Variants in RUVBL2 observed in about 807,000 individuals in gnomAD.
RUVBL2 encodes the protein RuvB like AAA ATPase 2, also known as ruvB-like 2.
Under a neutral mutation model 57.9 loss-of-function variants are expected in RUVBL2, and 9 were observed. The ratio of observed to expected loss-of-function variants is 0.16; its 90% CI spans 0.09 to 0.27. The LOEUF (loss-of-function observed/expected upper bound fraction) is 0.27. Ranked by LOEUF, RUVBL2 falls within the 10% of genes least tolerant of loss-of-function variation. RUVBL2 has a pLI of 1.00. For missense variants in RUVBL2, 456 were observed against 669.6 expected, an observed-to-expected ratio of 0.68 and a Z score of 3.52; for synonymous variants, 278 against 264.6, an observed-to-expected ratio of 1.05 and a Z score of -0.49.
intron 6 of RUVBL2, among the ~76,000 whole-genome samples, chr19:49,008,757 C>T (rs928010542): frequency 2.0e-5 from 3 of 151,840 alleles, no homozygotes; most frequent in African/African-American, 7.2e-5. Flanking sequence ...GCGGGTGGAT[C>T]ACCTGAAGTC....
intron 11 of RUVBL2, among the ~76,000 whole-genome samples, chr19:49,013,452 G>A (rs1307454410): frequency 2.0e-5 from 3 of 152,020 alleles, no homozygotes; most frequent in Non-Finnish European, 2.9e-5. Context: ...CCTGTGCACA[G>A]TGTTGAAGTG....
At chr19:49,009,019 G>T (rs969979559) in intron 6 of RUVBL2, among the ~76,000 whole-genome samples, 1 of 151,288 alleles carries the variant, frequency 6.6e-6, no homozygotes, top group African/African-American at 2.4e-5. Flanking sequence ...CAATTAGCTG[G>T]GTATGGTGGC....
chr19:49,014,401 G>A (rs1033413673), intron 11 of RUVBL2, 83 bp from the exon 12 acceptor site: 10 of 1,521,364 alleles, frequency 6.6e-6, no homozygotes, highest in Admixed American at 5.7e-5. Flanking sequence ...AGTGGGTGGC[G>A]ATGGGAGGTG....
intron 6 of RUVBL2, among the ~76,000 whole-genome samples, chr19:49,008,812 T>A (rs2039338184): frequency 1.3e-5 from 2 of 151,666 alleles, no homozygotes; most frequent in South Asian, 4.2e-4. Flanking sequence ...ACCCTGTCTC[T>A]ACTAAAAATA....
intron 11 of RUVBL2, among the ~76,000 whole-genome samples, chr19:49,012,112 G>C (rs1472286839): frequency 6.6e-6 from 1 of 152,174 alleles, no homozygotes; most frequent in Non-Finnish European, 1.5e-5. Context: ...GCCCGGCACT[G>C]CTTGGGCTCA....
chr19:49,008,158 C>T (rs976926843), intron 6 of RUVBL2, among the ~76,000 whole-genome samples: 70 of 150,980 alleles, frequency 4.6e-4, no homozygotes, highest in African/African-American at 1.5e-3. Flanking sequence ...TGCGAGACCT[C>T]GGGCCTATGT....
At chr19:49,009,621 G>T (rs1416439682) in intron 6 of RUVBL2, among the ~76,000 whole-genome samples, 155 bp from the exon 7 acceptor site, 1 of 152,202 alleles carries the variant, frequency 6.6e-6, no homozygotes, top group Non-Finnish European at 1.5e-5. Context: ...TGAGCGCACC[G>T]TATGTCTTCC....
At chr19:48,994,162 C>T (rs2039005720) in intron 1 of RUVBL2, 1 of 592,984 alleles carries the variant, frequency 1.7e-6, no homozygotes. Flanking sequence ...GGGTCTGGCC[C>T]CATCATGCTA....
At position 49,010,483 on chromosome 19, in the gene RUVBL2, C is replaced by CCCCCACCAACAA; in HGVS notation, c.664-5_664-4insCCCCACCAACAA. 6.3e-7 allele frequency: 1 copy of CCCCCACCAACAA among 1,575,992 alleles called. No homozygotes were observed. Among genetic ancestry groups the CCCCCACCAACAA allele is most frequent in the Non-Finnish European group, 8.7e-7 (1 of 1,148,120 alleles). On this transcript the variant is annotated splice_polypyrimidine_tract_variant and splice_region_variant and intron_variant, in intron 8 of 14. Coordinates refer to ENST00000595090, the MANE Select transcript of RUVBL2 (RefSeq NM_006666.3). ...CGCCGTTCTTCCCCCACCCCCGCCCCATAGACCAAGTTCGTGCAGTGCCCA... is the reference window on the plus strand; with the variant it reads ...CGCCGTTCTTCCCCCACCCCCGCCCCCCCCACCAACAAATAGACCAAGTTCGTGCAGTGCCCA...
rs538649431 is a variant in RUVBL2, at chr19:49,011,889, A to ACTGTG, written c.1001+588_1001+592dup. 1.7e-5 allele frequency among the ~76,000 whole-genome samples: 2 copies of ACTGTG among 120,304 alleles called. No individual in the cohort carries two copies. Among genetic ancestry groups the ACTGTG allele is most frequent in the Non-Finnish European group, 4.0e-5 (2 of 50,260 alleles). 78.9% of individuals were successfully genotyped at this position (120,304 alleles called of 152,430 possible). ...GACAGATTCCTGTGACACAGAGGGT[A>ACTGTG]CTGTGCTGTGCTGAAGCCTGGGAAC... On this transcript the variant is annotated intron_variant, in intron 11 of 14. Transcript: ENST00000595090. The surrounding 1 kb of genome is among the most constrained non-coding windows in gnomAD (Gnocchi z 4.4).
At chr19:49,010,903 C>G (rs2122641363) in intron 9 of RUVBL2, 96 bp from the exon 10 acceptor site, 1 of 1,132,966 alleles carries the variant, frequency 8.8e-7, no homozygotes, top group East Asian at 2.5e-5. Context: ...TCCCCTTCCT[C>G]CATCCCTGGC....
Position 49,003,245 on chromosome 19 carries a change from A to G in RUVBL2, c.68-34A>G, listed in dbSNP as rs764699286. ...AGGCCACATGTGCAGCAAGCTGGCT[A>G]GTAACTGAGTCTTTGTTCTTTCCCT... On this transcript the variant is annotated intron_variant, in intron 2 of 14. Transcript: ENST00000595090. 3 of 1,608,074 alleles carry G rather than the reference A, an allele frequency of 1.9e-6. No individual in the cohort carries two copies. The East Asian group carries it at 6.7e-5, about 36-fold the overall frequency.
intron 11 of RUVBL2, among the ~76,000 whole-genome samples, chr19:49,012,843 C>CCA (rs58302006): frequency 0.14 from 19,727 of 141,644 alleles, 1,307 homozygotes; most frequent in Middle Eastern, 0.16. Context: ...TCAGTGCCCA[C>CCA]CACACACACA....
intron 4 of RUVBL2, among the ~76,000 whole-genome samples, chr19:49,005,072 C>G (rs2039257439): frequency 6.6e-6 from 1 of 152,092 alleles, no homozygotes; most frequent in South Asian, 2.1e-4. Flanking sequence ...TTGCAGTCCG[C>G]TAGTGGTTTA....
At chr19:48,993,710 AC>A, upstream of RUVBL2, 1 of 657,426 alleles carries the variant, frequency 1.5e-6, no homozygotes, top group East Asian at 2.7e-5. Context: ...TTGGGAATGG[AC>A]CCAGGAGTTC....
intron 2 of RUVBL2, 95 bp from the exon 3 acceptor site, chr19:49,003,184 C>CCT: frequency 1.6e-5 from 16 of 1,030,244 alleles, no homozygotes; most frequent in Middle Eastern, 2.2e-4. Context: ...CCACCCACCC[C>CCT]TTTGACAAAG....
At chr19:48,999,942 C>T (rs1481619405) in intron 2 of RUVBL2, among the ~76,000 whole-genome samples, 2 of 152,202 alleles carry the variant, frequency 1.3e-5, no homozygotes, top group East Asian at 1.9e-4. Context: ...CAGCAGGGTG[C>T]GCTCTCACAA....
upstream of RUVBL2, chr19:48,993,748 C>A: frequency 5.8e-6 from 5 of 857,164 alleles, no homozygotes; most frequent in South Asian, 7.7e-5. Flanking sequence ...AGCGCAGCCT[C>A]GGTGGGAGGG....
chr19:48,996,252 A>T (rs79809419), intron 1 of RUVBL2, among the ~76,000 whole-genome samples: 8,438 of 152,152 alleles, frequency 0.055, 349 homozygotes, highest in Admixed American at 0.095. Context: ...ATTAGAAATT[A>T]TGAACTATTC....
Sources: gnomAD v4.1 joint callset for allele counts (sites outside exome capture counted in the v4.1 genomes callset) on GRCh38, gnomAD v4.1.1 for gene constraint, Gnocchi (gnomAD v3.1) non-coding constraint, MANE v1.5 for transcripts, NCBI Gene and HGNC (gene_info 2026-07-23, HGNC 2026-07-21) for gene names.